ACAA2: variants seen among roughly 807,000 people sequenced by gnomAD.
The protein encoded by ACAA2 is 3-ketoacyl-CoA thiolase, mitochondrial.
A neutral mutation model predicts 44.8 loss-of-function variants in ACAA2; 35 were observed. The ratio of observed to expected loss-of-function variants is 0.78; its 90% CI spans 0.60 to 1.04. The LOEUF (loss-of-function observed/expected upper bound fraction) is 1.04. ACAA2 is among the 50% of genes least tolerant of loss of function. The pLI is 0.00. For missense variants in ACAA2, 468 were observed against 482.6 expected (o/e 0.97, Z 0.28); for synonymous variants, 142 against 166.5 (o/e 0.85, Z 1.13).
chr18:49,798,054 G>C (rs150968775), intron 2 of ACAA2, among the ~76,000 whole-genome samples: 141 of 152,310 alleles, frequency 9.3e-4, no homozygotes, highest in African/African-American at 3.3e-3. Context: ...CTCCTTAACA[G>C]AGGAAGTATC....
chr18:49,810,277 G>A (rs77176590), intron 1 of ACAA2, among the ~76,000 whole-genome samples: 11,921 of 152,164 alleles, frequency 0.078, 993 homozygotes, highest in East Asian at 0.3. Flanking sequence ...CCTGCAGCTT[G>A]GCACATCATT....
chr18:49,800,761 A>G (rs925955961), intron 2 of ACAA2, among the ~76,000 whole-genome samples: 1 of 152,148 alleles, frequency 6.6e-6, no homozygotes, highest in African/African-American at 2.4e-5. Context: ...CAAACACTGC[A>G]GAAGGCCGCA....
chr18:49,798,212 T>A (rs571201825), intron 2 of ACAA2, among the ~76,000 whole-genome samples: 11 of 152,244 alleles, frequency 7.2e-5, no homozygotes, highest in South Asian at 2.1e-4. Flanking sequence ...TTAAAAAGCA[T>A]CCCAAGTAAT....
intron 7 of ACAA2, among the ~76,000 whole-genome samples, chr18:49,788,520 A>G (rs988376514): frequency 3.0e-5 from 4 of 133,188 alleles, no homozygotes; most frequent in Non-Finnish European, 4.8e-5. Context: ...CTGATTTACT[A>G]CAGCTACTGA....
intron 3 of ACAA2, among the ~76,000 whole-genome samples, chr18:49,796,094 T>A (rs2023461873): frequency 6.6e-6 from 1 of 152,190 alleles, no homozygotes; most frequent in South Asian, 2.1e-4. Flanking sequence ...AAGGTTTCAA[T>A]CATGTTTGCC....
chr18:49,794,518 TAAAC>T, intron 4 of ACAA2, 91 bp from the exon 5 acceptor site: 1 of 1,039,656 alleles, frequency 9.6e-7, no homozygotes. Flanking sequence ...ACACTTCCAA[TAAAC>T]AAAAGTAAAA....
At position 49,782,845 on chromosome 18, in the gene ACAA2, C is replaced by G. The variant is rs1013540395; in HGVS notation, c.*1002G>C. On this transcript the variant is annotated 3_prime_UTR_variant, in exon 10 of 10. Coordinates refer to ENST00000285093, the MANE Select transcript of ACAA2 (RefSeq NM_006111.3). ...CCTGGAGGACAGAGCGAGACTCTGTCTCAAAAAAAAAAAAAAAAATTTCCC... is the reference window on the plus strand; with the variant it reads ...CCTGGAGGACAGAGCGAGACTCTGTGTCAAAAAAAAAAAAAAAAATTTCCC... 2 of 130,474 alleles carry G rather than the reference C, an allele frequency of 1.5e-5. No homozygotes were observed. The highest frequency in any genetic ancestry group is 3.2e-5 in the Non-Finnish European group (2 of 62,832). The allele number at this position is 130,474 out of a possible 1,614,324, so 8.1% of individuals were successfully genotyped here.
intron 2 of ACAA2, among the ~76,000 whole-genome samples, chr18:49,799,228 T>C (rs370261850): frequency 0.065 from 9,816 of 151,422 alleles, 371 homozygotes; most frequent in South Asian, 0.14. Flanking sequence ...CTCCCCCTCC[T>C]CCTCCCCCTC....
At chr18:49,794,921 G>T (rs2023448515) in intron 4 of ACAA2, among the ~76,000 whole-genome samples, 1 of 152,100 alleles carries the variant, frequency 6.6e-6, no homozygotes, top group Non-Finnish European at 1.5e-5. Context: ...AAAGATCTTG[G>T]GACAGGTTCC....
chr18:49,791,578 C>T lies in ACAA2; in HGVS notation c.775G>A (p.Ala259Thr). 2 of 1,613,496 alleles carry T rather than the reference C, an allele frequency of 1.2e-6. No individual in the cohort carries two copies. Among genetic ancestry groups the T allele is most frequent in the Non-Finnish European group, 1.7e-6 (2 of 1,179,842 alleles). Residue 259 changes from alanine to threonine, a missense_variant, in exon 7 of 10, where the codon GCT (alanine) becomes ACT (threonine). Physicochemically the swap from Ala to Thr is moderately conservative, Grantham distance 58 (BLOSUM62 0). Transcript: ENST00000285093. The stretch of plus-strand genomic sequence containing the variant: ...GCATCTTCACTAGCTATGATAACAG[C>T]TCCAGCACCATCAGCTACACCCTTG... The part of the protein sequence containing the change: ...NASGVADGAG[A>T]VIIASEDAVK...
chr18:49,795,934 T>C (rs542569944), intron 3 of ACAA2, 53 bp from the exon 4 acceptor site: 2 of 1,117,766 alleles, frequency 1.8e-6, no homozygotes, highest in African/African-American at 3.1e-5. Flanking sequence ...CCAAACAATG[T>C]ATTAAGAAAC....
chr18:49,797,553 C>G lies in ACAA2; in HGVS notation c.225G>C (p.Leu75Phe). 1.2e-6 allele frequency: 2 copies of G among 1,612,054 alleles called. No homozygotes were observed. The highest frequency in any genetic ancestry group is 1.7e-6 in the Non-Finnish European group (2 of 1,179,384). ...DAIYLARHVG[L>F]RVGIPKETPA... ...GGGTCTCCTTTGGGATTCCCACACG[C>G]AAACCAACATGCCTTGCCAAATATA... The change falls in exon 3 of 10, where the codon TTG becomes TTC. Residue 75 changes from leucine to phenylalanine, a missense_variant. Physicochemically the swap from Leu to Phe is conservative, Grantham distance 22. Transcript: ENST00000285093.
rs781744623 is a variant in ACAA2, at chr18:49,791,577, G to T, written c.776C>A (p.Ala259Asp). ...AGCATCTTCACTAGCTATGATAACA[G>T]CTCCAGCACCATCAGCTACACCCTT... ...NASGVADGAG[A>D]VIIASEDAVK... Residue 259 changes from alanine (A) to aspartate (D), a missense_variant, in exon 7 of 10, where the codon GCT becomes GAT. Physicochemically the swap from Ala to Asp is moderately radical, Grantham distance 126. Transcript: ENST00000285093. The T allele has an allele frequency of 8.7e-6, 14 of 1,613,332 alleles. 1 individual carries two copies. In the African/African-American group the frequency reaches 1.9e-4, roughly 22 times the overall value.
intron 2 of ACAA2, among the ~76,000 whole-genome samples, 198 bp from the exon 3 acceptor site, chr18:49,797,792 GGTTT>G (rs2023482502): frequency 6.6e-6 from 1 of 151,746 alleles, no homozygotes. Flanking sequence ...CAGTCAATTG[GGTTT>G]TTTTCTATTT....
intron 1 of ACAA2, among the ~76,000 whole-genome samples, chr18:49,803,133 C>T (rs2023574598): frequency 6.6e-6 from 1 of 151,708 alleles, no homozygotes; most frequent in Non-Finnish European, 1.5e-5. Context: ...CCCCCCTTGC[C>T]TAGTTTATAA....
intron 1 of ACAA2, among the ~76,000 whole-genome samples, chr18:49,812,478 A>T (rs920318460): frequency 6.6e-6 from 1 of 151,858 alleles, no homozygotes; most frequent in African/African-American, 2.4e-5. Context: ...CATCCAATCC[A>T]CTTTCTATCA....
intron 9 of ACAA2, among the ~76,000 whole-genome samples, chr18:49,784,455 CTT>C (rs1296529570): frequency 1.3e-5 from 2 of 152,148 alleles, no homozygotes. Context: ...AAATTAGACT[CTT>C]TTAAAGTACT....
At chr18:49,800,579 G>T (rs2023535255) in intron 2 of ACAA2, among the ~76,000 whole-genome samples, 1 of 152,194 alleles carries the variant, frequency 6.6e-6, no homozygotes, top group South Asian at 2.1e-4. Flanking sequence ...TTGGGATCCT[G>T]TTGATCTGTG....
At chr18:49,805,117 G>A (rs1419862807) in intron 1 of ACAA2, among the ~76,000 whole-genome samples, 3 of 152,162 alleles carry the variant, frequency 2.0e-5, no homozygotes, top group Admixed American at 2.0e-4. Context: ...GACAATCTAA[G>A]CTCACATTTC....
Sources: allele counts gnomAD v4.1 joint callset (sites outside exome capture counted in the v4.1 genomes callset), GRCh38; gene constraint gnomAD v4.1.1; transcripts MANE v1.5; gene names NCBI Gene and HGNC (gene_info 2026-07-23, HGNC 2026-07-21).